The following AKAP13 variants were observed in gnomAD, a reference collection of about 807,000 sequenced individuals.
The protein encoded by AKAP13 is A-kinase anchor protein 13.
In AKAP13, 80 loss-of-function variants were observed where a neutral mutation model predicts 264.5. That is an observed-to-expected ratio of 0.30 (90% confidence interval 0.25 to 0.36). The LOEUF is 0.36. Ranked by LOEUF, AKAP13 falls within the 10% of genes least tolerant of loss-of-function variation. The pLI is 1.00. For missense variants in AKAP13, 3,712 were observed against 3,435.2 expected, an observed-to-expected ratio of 1.08 and a Z score of -2.01; for synonymous variants, 1,380 against 1,250.2, an observed-to-expected ratio of 1.10 and a Z score of -2.19.
At chr15:85,735,731 T>C (rs2088423548) in intron 32 of AKAP13, 101 bp downstream of exon 32, 1 of 1,140,378 alleles carries the variant, frequency 8.8e-7, no homozygotes, top group Non-Finnish European at 1.3e-6. Context: ...GATGCCTGAA[T>C]TGCTGCTTTT....
chr15:85,592,657 C>G (rs2079632828), intron 8 of AKAP13, among the ~76,000 whole-genome samples: 1 of 152,164 alleles, frequency 6.6e-6, no homozygotes, highest in African/African-American at 2.4e-5. Flanking sequence ...GAGCTAGCAT[C>G]AACCACACAA....
At chr15:85,555,034 C>G (rs567069426) in intron 5 of AKAP13, among the ~76,000 whole-genome samples, 5 of 151,690 alleles carry the variant, frequency 3.3e-5, no homozygotes, top group Non-Finnish European at 5.9e-5. Context: ...TTCCCTCCCC[C>G]CCAAAAAAAG....
chr15:85,496,180 A>G (rs1239805241), intron 2 of AKAP13, among the ~76,000 whole-genome samples: 1 of 152,180 alleles, frequency 6.6e-6, no homozygotes, highest in Non-Finnish European at 1.5e-5. Context: ...GTGGCTACAA[A>G]GCACCCCCAC....
At chr15:85,520,498 C>CA (rs71468111) in intron 2 of AKAP13, among the ~76,000 whole-genome samples, 2,631 of 69,770 alleles carry the variant, frequency 0.038, 43 homozygotes, top group African/African-American at 0.048. Flanking sequence ...AACTCCGTCT[C>CA]AAAAAAAAAA....
chr15:85,627,254 A>G (rs745638351), intron 8 of AKAP13, among the ~76,000 whole-genome samples: 7 of 152,090 alleles, frequency 4.6e-5, no homozygotes, highest in Non-Finnish European at 1.0e-4. Context: ...TGTTATTTCA[A>G]ACTCAACATG....
intron 1 of AKAP13, among the ~76,000 whole-genome samples, chr15:85,455,587 A>G (rs986167033): frequency 1.3e-5 from 2 of 152,150 alleles, no homozygotes; most frequent in Non-Finnish European, 2.9e-5. Flanking sequence ...CATAGGTTTT[A>G]CTCAAATTCA....
intron 1 of AKAP13, among the ~76,000 whole-genome samples, chr15:85,410,661 C>G (rs909414018): frequency 6.6e-6 from 1 of 151,444 alleles, no homozygotes; most frequent in African/African-American, 2.5e-5. Flanking sequence ...TACCATCTGT[C>G]ACCTGGACGT....
chr15:85,664,703 C>G lies in AKAP13; in HGVS notation c.4940C>G (p.Ser1647Ter). Residue 1647 changes from serine (S) to a stop codon, truncating the protein, a stop_gained, in exon 13 of 37, where the codon TCA becomes TGA. Transcript: ENST00000394518. LOFTEE classifies it high-confidence loss of function. ...CGGGTTGACTCTTTGGTGTCACTTT[C>G]AGAAGAGGATCTGGAGTCAGACCAG... ...EERVDSLVSLSEEDLESDQRE... is the reference protein window; with the variant it reads ...EERVDSLVSL 1.2e-6 allele frequency: 2 copies of G among 1,614,034 alleles called. No homozygotes were observed. The highest frequency in any genetic ancestry group is 1.7e-6 in the Non-Finnish European group (2 of 1,179,952).
At chr15:85,466,193 T>C (rs1242084830) in intron 1 of AKAP13, among the ~76,000 whole-genome samples, 2 of 150,556 alleles carry the variant, frequency 1.3e-5, no homozygotes, top group African/African-American at 4.8e-5. Context: ...CACTTTTTGA[T>C]GGGGTTGTTT....
intron 8 of AKAP13, among the ~76,000 whole-genome samples, chr15:85,602,640 C>T (rs972990081): frequency 1.3e-5 from 2 of 151,876 alleles, no homozygotes; most frequent in African/African-American, 4.8e-5. Flanking sequence ...CAGATGTGCA[C>T]CACCACACCT....
chr15:85,629,184 T>G (rs533999468), intron 8 of AKAP13, among the ~76,000 whole-genome samples: 3 of 152,020 alleles, frequency 2.0e-5, no homozygotes, highest in South Asian at 2.1e-4. Flanking sequence ...GGTGACAGCT[T>G]CTTCTTCTGA....
chr15:85,396,693 A>G (rs535171582), intron 1 of AKAP13, among the ~76,000 whole-genome samples: 5 of 152,330 alleles, frequency 3.3e-5, no homozygotes, highest in South Asian at 2.1e-4. Context: ...GGTTTCCAGG[A>G]TATGAAACAG....
intron 2 of AKAP13, among the ~76,000 whole-genome samples, chr15:85,504,305 G>A (rs916505850): frequency 6.6e-6 from 1 of 151,930 alleles, no homozygotes; most frequent in South Asian, 2.1e-4. Context: ...GGGAAGGAGC[G>A]AGGAATGAGG....
intron 17 of AKAP13, among the ~76,000 whole-genome samples, chr15:85,697,662 C>T (rs994243270): frequency 6.6e-6 from 1 of 152,178 alleles, no homozygotes; most frequent in Non-Finnish European, 1.5e-5. Flanking sequence ...TTAAAAACAA[C>T]TGAGTAAAAT....
At chr15:85,740,472 G>A (rs2088869793) in intron 34 of AKAP13, 200 bp downstream of exon 34, 4 of 577,076 alleles carry the variant, frequency 6.9e-6, no homozygotes, top group Admixed American at 3.0e-5. Context: ...AAGAGCTGGT[G>A]TGCCGTAGGC....
chr15:85,459,507 C>G (rs1269986499), intron 1 of AKAP13, among the ~76,000 whole-genome samples: 1 of 141,264 alleles, frequency 7.1e-6, no homozygotes, highest in African/African-American at 2.6e-5. Flanking sequence ...CCTGCTTTTT[C>G]TTTTTTTTTT....
chr15:85,724,742 G>C lies in AKAP13; in HGVS notation c.6745+1422G>C, dbSNP rs2087503179. ...ACAACTAGGGGCAGTTTAGAGTGCAGCTGGAGTGAAGAGAGACTGGTGACA... is the reference window on the plus strand; with the variant it reads ...ACAACTAGGGGCAGTTTAGAGTGCACCTGGAGTGAAGAGAGACTGGTGACA... On this transcript the variant is annotated intron_variant, in intron 26 of 36. Transcript: ENST00000394518. This position sits in a 1 kb window ranked among gnomAD's most constrained non-coding sequence, Gnocchi z 4.2. Among the ~76,000 whole-genome samples the C allele has an allele frequency of 6.6e-6, 1 of 151,896 alleles. No homozygotes were observed. The highest frequency in any genetic ancestry group is 1.5e-5 in the Non-Finnish European group (1 of 68,000).
At chr15:85,716,907 TAGTTGATTG>T (rs988181266) in intron 20 of AKAP13, among the ~76,000 whole-genome samples, 1 of 152,204 alleles carries the variant, frequency 6.6e-6, no homozygotes, top group Non-Finnish European at 1.5e-5. Flanking sequence ...AAAGAGAACA[TAGTTGATTG>T]TAAGTGCTAG....
chr15:85,637,857 T>C (rs2082130917), intron 8 of AKAP13, among the ~76,000 whole-genome samples: 1 of 151,426 alleles, frequency 6.6e-6, no homozygotes, highest in Non-Finnish European at 1.5e-5. Flanking sequence ...TTTCTTAATA[T>C]TTCTACTTTC....
Sources: allele counts gnomAD v4.1 joint callset (sites outside exome capture counted in the v4.1 genomes callset), GRCh38; gene constraint gnomAD v4.1.1; non-coding constraint Gnocchi (gnomAD v3.1); transcripts MANE v1.5; gene names NCBI Gene and HGNC (gene_info 2026-07-23, HGNC 2026-07-21).